Variants in SDK2 observed in about 807,000 individuals in gnomAD.
SDK2 encodes sidekick cell adhesion molecule 2.
Under a neutral mutation model 253.9 loss-of-function variants are expected in SDK2, and 105 were observed. The observed-to-expected ratio is 0.41, with a 90% CI of 0.35 to 0.49. The LOEUF is 0.49. Ranked by LOEUF, SDK2 falls within the 20% of genes least tolerant of loss-of-function variation. The pLI is 0.06. For missense variants in SDK2, 2,608 were observed against 3,003.0 expected, an observed-to-expected ratio of 0.87 and a Z score of 3.07; for synonymous variants, 1,249 against 1,234.9, an observed-to-expected ratio of 1.01 and a Z score of -0.24.
At chr17:73,483,669 A>G (rs1185345590) in intron 2 of SDK2, among the ~76,000 whole-genome samples, 16,974 of 62,896 alleles carry the variant, frequency 0.27, 3,021 homozygotes, top group Admixed American at 0.34. Context: ...GTGTATATAT[A>G]TATATATATA....
At chr17:73,507,176 G>A (rs547956314) in intron 2 of SDK2, among the ~76,000 whole-genome samples, 1 of 152,348 alleles carries the variant, frequency 6.6e-6, no homozygotes, top group Admixed American at 6.5e-5. Context: ...CACCACCTCT[G>A]CTCCTATGCA....
chr17:73,632,628 T>A (rs1045638691), intron 1 of SDK2, among the ~76,000 whole-genome samples: 3 of 152,170 alleles, frequency 2.0e-5, no homozygotes, highest in Non-Finnish European at 4.4e-5. Flanking sequence ...ATACTCTTAA[T>A]AAACTCCCCT....
intron 9 of SDK2, among the ~76,000 whole-genome samples, chr17:73,434,725 G>A (rs558439681): frequency 6.6e-6 from 1 of 152,260 alleles, no homozygotes; most frequent in African/African-American, 2.4e-5. Context: ...CTGCCTCCTG[G>A]GCCTGAGTGG....
At chr17:73,401,789 G>T in intron 19 of SDK2, 37 bp from the exon 20 acceptor site, 1 of 1,532,730 alleles carries the variant, frequency 6.5e-7, no homozygotes, top group Non-Finnish European at 8.9e-7. Context: ...CCCAAGGCCA[G>T]TTAGAGCCAG....
Position 73,423,395 on chromosome 17 carries a change from A to C in SDK2, c.1888T>G (p.Ser630Ala). The C allele has an allele frequency of 3.4e-6, 5 of 1,490,936 alleles. No individual in the cohort carries two copies. Among genetic ancestry groups the C allele is most frequent in the Non-Finnish European group, 4.5e-6 (5 of 1,112,494 alleles). 92.4% of individuals were successfully genotyped at this position (1,490,936 alleles called of 1,614,324 possible). A position where few individuals can be genotyped will look rare whatever the true frequency, so the allele number is the denominator to read the frequency against. Reference sequence around the variant, plus strand: ...ACCACGGGAAGCTTACTGTTCTCCGACATCTCCAGAATGTAGCGGATCAGG... The same window carrying C: ...ACCACGGGAAGCTTACTGTTCTCCGCCATCTCCAGAATGTAGCGGATCAGG... ...SPLIRYILEM[S>A]ENNAPWTVLL... is the part of the protein sequence containing the mutation. Residue 630 changes from serine (S) to alanine (A), a missense_variant, in exon 14 of 45, where the codon TCG becomes GCG. By Grantham distance (99) the Ser-to-Ala change is moderately conservative (BLOSUM62 1). Around this residue, in one of 2 missense-constraint regions of SDK2, gnomAD observed 1,505 missense variants for 1,859.1 expected, o/e 0.81. Transcript: ENST00000392650.
intron 1 of SDK2, among the ~76,000 whole-genome samples, chr17:73,635,168 T>C (rs1459958359): frequency 6.6e-6 from 1 of 152,014 alleles, no homozygotes; most frequent in African/African-American, 2.4e-5. Context: ...GTATTTTGTA[T>C]TTTTAGATGG....
intron 36 of SDK2, among the ~76,000 whole-genome samples, chr17:73,369,954 A>G (rs1206407122): frequency 6.6e-6 from 1 of 152,058 alleles, no homozygotes; most frequent in East Asian, 1.9e-4. Flanking sequence ...ATTGTTTTCA[A>G]TCATTTCCTC....
At chr17:73,347,163 C>T (rs1340653708) in intron 44 of SDK2, among the ~76,000 whole-genome samples, 1 of 152,080 alleles carries the variant, frequency 6.6e-6, no homozygotes, top group Non-Finnish European at 1.5e-5. Context: ...GCATTTGAGA[C>T]CAGCCTGGCC....
chr17:73,507,311 C>G (rs2063943462), intron 2 of SDK2, 127 bp downstream of exon 2: 1 of 1,027,750 alleles, frequency 9.7e-7, no homozygotes, highest in Non-Finnish European at 1.4e-6. Context: ...CCACTCACTT[C>G]CAGAACTCCA....
chr17:73,361,987 C>T lies in SDK2; in HGVS notation c.5306-142G>A. 2 of 711,668 alleles carry T rather than the reference C, an allele frequency of 2.8e-6. No individual in the cohort carries two copies. Among genetic ancestry groups the T allele is most frequent in the Middle Eastern group, 3.9e-4 (1 of 2,542 alleles). 44.1% of individuals were successfully genotyped at this position (711,668 alleles called of 1,614,324 possible). On this transcript the variant is annotated intron_variant, in intron 38 of 44. Coordinates refer to ENST00000392650, the MANE Select transcript of SDK2 (RefSeq NM_001144952.2). The surrounding 1 kb of genome is among the most constrained non-coding windows in gnomAD (Gnocchi z 4.1). ...TCCTTGAGGTCAGGCTGAAATGCAC[C>T]CCCAGCCCACACAACCACATTGCCC...
chr17:73,358,343 C>A, intron 39 of SDK2, 139 bp from the exon 40 acceptor site: 1 of 1,175,836 alleles, frequency 8.5e-7, no homozygotes, highest in Non-Finnish European at 1.2e-6. Flanking sequence ...GCAAATGTCG[C>A]GGCCTGAGAG....
At chr17:73,341,727 A>ATT in intron 44 of SDK2, among the ~76,000 whole-genome samples, 1 of 152,124 alleles carries the variant, frequency 6.6e-6, no homozygotes, top group African/African-American at 2.4e-5. Context: ...GTTCTCAGGA[A>ATT]CTCGGAGTCC....
chr17:73,506,547 C>G (rs958526348), intron 2 of SDK2, among the ~76,000 whole-genome samples: 1 of 152,196 alleles, frequency 6.6e-6, no homozygotes, highest in Non-Finnish European at 1.5e-5. Context: ...AATGATACCC[C>G]CTCCTCTTAT....
chr17:73,559,374 T>C lies in SDK2; in HGVS notation c.65-51777A>G, dbSNP rs148756824. On this transcript the variant is annotated intron_variant, in intron 1 of 44. Transcript: ENST00000392650. ...AAATGGGACAATGTACGCAAGACTG[T>C]TGGCAAGAAGCAAGGAGTTGATAAA... 2.6e-5 allele frequency among the ~76,000 whole-genome samples: 4 copies of C among 152,334 alleles called. No homozygotes were observed. The East Asian group carries it at 7.7e-4, about 29-fold the overall frequency.
intron 16 of SDK2, among the ~76,000 whole-genome samples, chr17:73,418,068 T>C (rs1234074531): frequency 7.0e-6 from 1 of 142,422 alleles, no homozygotes; most frequent in Non-Finnish European, 1.5e-5. Flanking sequence ...AGTGCAGTGG[T>C]GCGATCTTGG....
chr17:73,430,628 G>C lies in SDK2; in HGVS notation c.1481-15C>G. 6.6e-7 allele frequency: 1 copy of C among 1,515,592 alleles called. No individual in the cohort carries two copies. The highest frequency in any genetic ancestry group is 8.9e-7 in the Non-Finnish European group (1 of 1,126,208). The allele number at this position is 1,515,592 out of a possible 1,614,324, so 93.9% of individuals were successfully genotyped here. ...GCGGGTCCGAGCTGAAAGATACAGC[G>C]GAGACAGCATGGTGAGAAGAGGTGT... On this transcript the variant is annotated splice_polypyrimidine_tract_variant and intron_variant, in intron 11 of 44. Coordinates refer to ENST00000392650, the MANE Select transcript of SDK2 (RefSeq NM_001144952.2).
chr17:73,473,085 G>C (rs1370427327), intron 2 of SDK2, among the ~76,000 whole-genome samples: 2 of 152,208 alleles, frequency 1.3e-5, no homozygotes, highest in African/African-American at 4.8e-5. Context: ...TGGGCTGGCG[G>C]GGTTGGGCAG....
chr17:73,446,118 G>A (rs889307267), intron 5 of SDK2, among the ~76,000 whole-genome samples: 1 of 152,212 alleles, frequency 6.6e-6, no homozygotes, highest in Non-Finnish European at 1.5e-5. Context: ...CTAGGAGGAT[G>A]CCTGGCTTTG....
In SDK2 at chr17:73,401,908, G is replaced by C. The variant is rs190283588; in HGVS notation, c.2680+38C>G. The C allele has an allele frequency of 1.8e-4, 249 of 1,355,546 alleles. 1 individual carries two copies. The highest frequency in any genetic ancestry group is 2.1e-4 in the Non-Finnish European group (208 of 984,714). 84.0% of individuals were successfully genotyped at this position (1,355,546 alleles called of 1,614,324 possible). On this transcript the variant is annotated intron_variant, in intron 19 of 44. Coordinates refer to ENST00000392650, the MANE Select transcript of SDK2 (RefSeq NM_001144952.2). ...TGGGGCGCCCAGCCTGGCCTTGGGC[G>C]GGGGGGGGCAGAAAGAGCAGGGCTG... is the stretch of plus-strand genomic sequence containing the variant.
Sources: allele counts gnomAD v4.1 joint callset (sites outside exome capture counted in the v4.1 genomes callset), GRCh38; gene constraint gnomAD v4.1.1; regional missense constraint gnomAD v4.1.1; non-coding constraint Gnocchi (gnomAD v3.1); transcripts MANE v1.5; gene names NCBI Gene and HGNC (gene_info 2026-07-23, HGNC 2026-07-21).